Variants in CNTN4 observed in about 807,000 individuals in gnomAD.
The protein encoded by CNTN4 is contactin-4.
In CNTN4, 77 loss-of-function variants were observed where a neutral mutation model predicts 122.5. The ratio of observed to expected loss-of-function variants is 0.63; its 90% confidence interval spans 0.52 to 0.76. The LOEUF is 0.76. CNTN4 is among the 30% of genes least tolerant of loss of function. The pLI is 0.00. For synonymous variants in CNTN4, 512 were observed against 447.0 expected, an observed-to-expected ratio of 1.15 and a Z score of -1.83; for missense variants, 1,256 against 1,259.1, an observed-to-expected ratio of 1.00 and a Z score of 0.04.
chr3:2,567,820 G>T (rs2079240189), intron 3 of CNTN4, among the ~76,000 whole-genome samples: 1 of 152,112 alleles, frequency 6.6e-6, no homozygotes, highest in Non-Finnish European at 1.5e-5. Context: ...AGTTCAAAAT[G>T]GTAGCCCCTT....
chr3:2,309,724 G>A (rs2042846085), intron 2 of CNTN4, among the ~76,000 whole-genome samples: 1 of 152,102 alleles, frequency 6.6e-6, no homozygotes, highest in South Asian at 2.1e-4. Context: ...ATATTTTAAT[G>A]TTGACAACTA....
intron 2 of CNTN4, among the ~76,000 whole-genome samples, chr3:2,224,513 C>G (rs779871896): frequency 2.0e-5 from 3 of 152,150 alleles, no homozygotes; most frequent in Non-Finnish European, 4.4e-5. Context: ...CCTTATTATT[C>G]AACTGTGTAC....
chr3:2,133,767 G>T (rs1188401662), intron 2 of CNTN4, among the ~76,000 whole-genome samples: 2 of 152,106 alleles, frequency 1.3e-5, no homozygotes, highest in African/African-American at 4.8e-5. Context: ...GAAATTACTT[G>T]TATGCCTGAG....
chr3:2,447,229 A>G (rs1383254155), intron 3 of CNTN4, among the ~76,000 whole-genome samples: 1 of 152,140 alleles, frequency 6.6e-6, no homozygotes, highest in Non-Finnish European at 1.5e-5. Context: ...CCCTCCATAC[A>G]AGGAGCCTAA....
At chr3:2,515,671 C>T (rs993746102) in intron 3 of CNTN4, among the ~76,000 whole-genome samples, 1 of 151,956 alleles carries the variant, frequency 6.6e-6, no homozygotes, top group Non-Finnish European at 1.5e-5. Flanking sequence ...TTGAAAACAG[C>T]AGATGAAGAA....
intron 7 of CNTN4, among the ~76,000 whole-genome samples, chr3:2,864,062 A>T (rs1387276910): frequency 1.3e-5 from 2 of 152,202 alleles, no homozygotes; most frequent in African/African-American, 4.8e-5. Flanking sequence ...ATTTTCAAAA[A>T]AGTTTTTACT....
chr3:3,041,481 C>G (rs1700159046), intron 20 of CNTN4, among the ~76,000 whole-genome samples: 1 of 152,228 alleles, frequency 6.6e-6, no homozygotes, highest in Non-Finnish European at 1.5e-5. Context: ...GATGACACTT[C>G]AGGTTCACAC....
rs577851743 is a variant in CNTN4 at position 2,635,012 on chromosome 3, A to T, written c.55+63454A>T. 6.6e-4 allele frequency among the ~76,000 whole-genome samples: 101 copies of T among 152,342 alleles called. No individual in the cohort carries two copies. The South Asian group carries it at 0.011, about 17-fold the overall frequency. ...GTTATTGAAGGGATTCGTTTCATGT[A>T]GTAACTAAATATAGATCAGCAAGAC... On this transcript the variant is annotated intron_variant, in intron 4 of 24. Transcript: ENST00000418658.
chr3:2,708,931 C>G (rs917859510), intron 4 of CNTN4, among the ~76,000 whole-genome samples: 2 of 152,044 alleles, frequency 1.3e-5, no homozygotes, highest in East Asian at 3.9e-4. Context: ...AAGTGTATAC[C>G]CAATCATGTA....
At chr3:2,774,847 A>G (rs6442754) in intron 6 of CNTN4, among the ~76,000 whole-genome samples, 18,582 of 152,254 alleles carry the variant, frequency 0.12, 1,703 homozygotes, top group African/African-American at 0.25. Flanking sequence ...TCAACAACAT[A>G]AAGCAGATGC....
intron 2 of CNTN4, among the ~76,000 whole-genome samples, chr3:2,206,248 A>G (rs59732536): frequency 4.2e-4 from 64 of 152,244 alleles, no homozygotes; most frequent in African/African-American, 1.5e-3. Flanking sequence ...GTCAAAGCTA[A>G]TACTGTCAAC....
At chr3:2,632,443 G>T (rs377182342) in intron 4 of CNTN4, among the ~76,000 whole-genome samples, 5 of 152,094 alleles carry the variant, frequency 3.3e-5, no homozygotes, top group African/African-American at 1.2e-4. Context: ...CATGTTGTAC[G>T]TAAAATATAT....
chr3:2,873,182 C>G (rs1559605086), intron 8 of CNTN4, among the ~76,000 whole-genome samples: 1 of 152,162 alleles, frequency 6.6e-6, no homozygotes, highest in Admixed American at 6.6e-5. Flanking sequence ...TTCTTTGGTC[C>G]TTAGTCTTCT....
At chr3:2,643,048 G>T (rs1013327167) in intron 4 of CNTN4, among the ~76,000 whole-genome samples, 1 of 152,140 alleles carries the variant, frequency 6.6e-6, no homozygotes, top group Non-Finnish European at 1.5e-5. Flanking sequence ...CACAACTCTT[G>T]CCACAAAGGA....
intron 2 of CNTN4, among the ~76,000 whole-genome samples, chr3:2,217,695 A>AC (rs2038905818): frequency 6.6e-6 from 1 of 152,204 alleles, no homozygotes; most frequent in East Asian, 1.9e-4. Flanking sequence ...AGAGAGAGAA[A>AC]AAAATCTCTT....
At chr3:2,289,692 A>G (rs1245319021) in intron 2 of CNTN4, among the ~76,000 whole-genome samples, 1 of 152,128 alleles carries the variant, frequency 6.6e-6, no homozygotes, top group Non-Finnish European at 1.5e-5. Context: ...GCTTCCCCGT[A>G]TAAATATAAG....
At chr3:2,610,152 A>G (rs1432649654) in intron 4 of CNTN4, among the ~76,000 whole-genome samples, 1 of 145,382 alleles carries the variant, frequency 6.9e-6, no homozygotes, top group Non-Finnish European at 1.5e-5. Context: ...CTCCCACTCT[A>G]TTTTATTTTT....
intron 2 of CNTN4, among the ~76,000 whole-genome samples, chr3:2,132,080 C>G (rs576556373): frequency 6.6e-6 from 1 of 152,136 alleles, no homozygotes; most frequent in Non-Finnish European, 1.5e-5. Context: ...CAGTGTCCAC[C>G]TTATTTTCTT....
At chr3:2,916,984 C>G (rs2094368637) in intron 12 of CNTN4, among the ~76,000 whole-genome samples, 1 of 128,720 alleles carries the variant, frequency 7.8e-6, no homozygotes, top group Non-Finnish European at 1.7e-5. Flanking sequence ...GAGCCGAGAT[C>G]ACGCCACTGC....
Sources: allele counts gnomAD v4.1 joint callset (sites outside exome capture counted in the v4.1 genomes callset), GRCh38; gene constraint gnomAD v4.1.1; transcripts MANE v1.5; gene names NCBI Gene and HGNC (gene_info 2026-07-23, HGNC 2026-07-21).